The following THSD1 variants were observed in gnomAD, a reference collection of about 807,000 sequenced individuals.
The protein encoded by THSD1 is thrombospondin type-1 domain-containing protein 1.
THSD1 carries 34 observed loss-of-function variants against 46.3 expected under a neutral mutation model. That is an observed-to-expected ratio of 0.74 (90% confidence interval 0.56 to 0.98). The LOEUF (loss-of-function observed/expected upper bound fraction) is 0.98. Ranked by LOEUF, THSD1 falls within the 50% of genes least tolerant of loss-of-function variation. The probability of loss-of-function intolerance (pLI) is 0.00; values close to 1 mark genes in which losing one functional copy is unlikely to be tolerated. For synonymous variants in THSD1, 407 were observed against 416.5 expected, an observed-to-expected ratio of 0.98 and a Z score of 0.28; for missense variants, 1,023 against 1,058.3, an observed-to-expected ratio of 0.97 and a Z score of 0.46.
At chr13:52,391,215 A>C (rs963621889) in intron 3 of THSD1, among the ~76,000 whole-genome samples, 21 of 150,766 alleles carry the variant, frequency 1.4e-4, no homozygotes, top group African/African-American at 4.9e-4. Context: ...GGGGACTTAG[A>C]ATAAATTTTT....
intron 1 of THSD1, among the ~76,000 whole-genome samples, chr13:52,404,936 C>A (rs1957895342): frequency 6.6e-6 from 1 of 152,116 alleles, no homozygotes; most frequent in Non-Finnish European, 1.5e-5. Flanking sequence ...AACAGACCAG[C>A]CTACTTGTCA....
chr13:52,377,891 G>C lies in THSD1; in HGVS notation c.2079C>G (p.Asp693Glu). ...SRTRTCEQAE[D>E]RFRPQSRGAH... is the part of the protein sequence containing the mutation. ...CACCTCGACTCTGAGGCCTAAATCT[G>C]TCCTCTGCCTGCTCGCAGGTCCGCG... The change falls in exon 5 of 5, where the codon GAC (aspartate) becomes GAG (glutamate). Residue 693 changes from aspartate (D) to glutamate (E), a missense_variant. Coordinates refer to ENST00000258613, the MANE Select transcript of THSD1 (RefSeq NM_018676.4). 1 of 1,614,174 alleles carries C rather than the reference G, an allele frequency of 6.2e-7. No homozygotes were observed. Among genetic ancestry groups the C allele is most frequent in the Non-Finnish European group, 8.5e-7 (1 of 1,180,042 alleles).
In THSD1 at chr13:52,397,605, G is replaced by A. The variant is rs757288465; in HGVS notation, c.648C>T (p.Thr216=). 29 of 1,614,040 alleles carry A rather than the reference G, an allele frequency of 1.8e-5. No homozygotes were observed. The highest frequency in any genetic ancestry group is 8.0e-5 in the African/African-American group (6 of 74,920). The change falls in exon 3 of 5, where the codon ACC becomes ACT. Residue 216 remains threonine (T), a synonymous_variant. Coordinates refer to ENST00000258613, the MANE Select transcript of THSD1 (RefSeq NM_018676.4). ...CTCGCCCAAGCAGCTTCAGCACCAC[G>A]GTGACATAGGCTTCTGGCCCCAAGG... ...CAPLGPEAYV[T]VVLKLLGRDS...
At chr13:52,394,306 T>C (rs552403938) in intron 3 of THSD1, among the ~76,000 whole-genome samples, 121 of 152,210 alleles carry the variant, frequency 7.9e-4, no homozygotes, top group Non-Finnish European at 7.5e-4. Context: ...CCATGAATAT[T>C]TTCTTTTGAA....
chr13:52,379,836 A>C (rs750801949), intron 4 of THSD1, among the ~76,000 whole-genome samples: 31 of 152,182 alleles, frequency 2.0e-4, no homozygotes, highest in Non-Finnish European at 3.5e-4. Context: ...CCTATTGTTA[A>C]ATGTACCTCT....
intron 4 of THSD1, 23 bp downstream of exon 4, chr13:52,386,005 C>G: frequency 1.9e-6 from 3 of 1,610,296 alleles, no homozygotes; most frequent in Non-Finnish European, 2.5e-6. Context: ...GGAGAGACTC[C>G]CGAAGGAAGC....
At chr13:52,388,360 A>G (rs1156948277) in intron 3 of THSD1, among the ~76,000 whole-genome samples, 1 of 152,218 alleles carries the variant, frequency 6.6e-6, no homozygotes, top group Non-Finnish European at 1.5e-5. Flanking sequence ...CTGCATTTAT[A>G]TAAAGAAATG....
chr13:52,384,948 T>C (rs1256490462), intron 4 of THSD1, among the ~76,000 whole-genome samples: 3 of 147,296 alleles, frequency 2.0e-5, no homozygotes, highest in East Asian at 2.0e-4. Context: ...AAAAAAAAAA[T>C]AGGAGAAAGA....
intron 3 of THSD1, among the ~76,000 whole-genome samples, chr13:52,394,225 C>A (rs1957794913): frequency 6.6e-6 from 1 of 152,236 alleles, no homozygotes; most frequent in South Asian, 2.1e-4. Flanking sequence ...CCCATGTGAC[C>A]TTAATTAAAT....
At chr13:52,379,057 G>T (rs1168396908) in intron 4 of THSD1, among the ~76,000 whole-genome samples, 1 of 151,788 alleles carries the variant, frequency 6.6e-6, no homozygotes, top group Non-Finnish European at 1.5e-5. Context: ...TAGAGCTGGG[G>T]TTTCATCATA....
At chr13:52,393,792 ACT>A (rs1182170220) in intron 3 of THSD1, among the ~76,000 whole-genome samples, 1 of 152,050 alleles carries the variant, frequency 6.6e-6, no homozygotes, top group Non-Finnish European at 1.5e-5. Context: ...CAAAAAAGAC[ACT>A]CTTTACTGGT....
Position 52,397,909 on chromosome 13 carries a change from G to A in THSD1, c.344C>T (p.Pro115Leu). The A allele has an allele frequency of 2.5e-6, 4 of 1,614,218 alleles. No homozygotes were observed. The highest frequency in any genetic ancestry group is 3.4e-6 in the Non-Finnish European group (4 of 1,180,044). ...CAGAAAGGCACTTTTCTCCCACCAGGGGAATGGAGTGCTGTTGTCTGTTGC... is the reference window on the plus strand; with the variant it reads ...CAGAAAGGCACTTTTCTCCCACCAGAGGAATGGAGTGCTGTTGTCTGTTGC... ...PEATDNSTPF[P>L]WWEKSAFLKV... is the part of the protein sequence containing the mutation. The change falls in exon 3 of 5, where the codon CCC (proline) becomes CTC (leucine). Residue 115 changes from proline to leucine, a missense_variant. Pro to Leu is a moderately conservative substitution (Grantham distance 98). Coordinates refer to ENST00000258613, the MANE Select transcript of THSD1 (RefSeq NM_018676.4).
chr13:52,402,965 A>G, intron 1 of THSD1: 1 of 985,272 alleles, frequency 1.0e-6, no homozygotes, highest in Non-Finnish European at 1.2e-6. Context: ...CCTGACGTGG[A>G]GAGTTTATTG....
Position 52,378,182 on chromosome 13 carries a change from C to G in THSD1, c.1788G>C (p.Ala596=), listed in dbSNP as rs74888104. The G allele has an allele frequency of 2.0e-3, 3,285 of 1,614,180 alleles. 65 individuals carry two copies. In the African/African-American group the frequency reaches 0.036, roughly 18 times the overall value. The change falls in exon 5 of 5, where the codon GCG becomes GCC. Residue 596 remains alanine (A), a synonymous_variant. Coordinates refer to ENST00000258613, the MANE Select transcript of THSD1 (RefSeq NM_018676.4). Reference sequence around the variant, plus strand: ...AGGGAGGCCTTTCCCCGGCACTGACCGCGGGCTGCTCCGGAAATGGGGATT... The same window carrying G: ...AGGGAGGCCTTTCCCCGGCACTGACGGCGGGCTGCTCCGGAAATGGGGATT... The part of the protein sequence containing the change: ...RIKSPFPEQP[A]VSAGERPPSR...
intron 1 of THSD1, 67 bp from the exon 2 acceptor site, chr13:52,402,748 T>C (rs1798496984): frequency 1.4e-6 from 2 of 1,417,834 alleles, no homozygotes; most frequent in Non-Finnish European, 1.8e-6. Flanking sequence ...AATCATTAAA[T>C]GACAAAACCA....
At chr13:52,396,108 G>A (rs570544252) in intron 3 of THSD1, among the ~76,000 whole-genome samples, 8 of 152,274 alleles carry the variant, frequency 5.3e-5, no homozygotes, top group South Asian at 2.1e-4. Flanking sequence ...GGCCAGTGGC[G>A]GAGGAGAAAG....
Position 52,397,285 on chromosome 13 carries a change from C to T in THSD1, c.968G>A (p.Ser323Asn), listed in dbSNP as rs763406181. The T allele has an allele frequency of 1.4e-5, 22 of 1,612,084 alleles. No individual in the cohort carries two copies. Among genetic ancestry groups the T allele is most frequent in the Middle Eastern group, 3.3e-4 (2 of 6,070 alleles). The change falls in exon 3 of 5, where the codon AGC becomes AAC. Residue 323 changes from serine (S) to asparagine (N), a missense_variant. Around this residue, in one of 3 missense-constraint regions of THSD1, gnomAD observed 429 missense variants for 518.3 expected, o/e 0.83. Coordinates refer to ENST00000258613, the MANE Select transcript of THSD1 (RefSeq NM_018676.4). Reference protein sequence around the residue: ...NKYCFDFGISSRSHFSAKEEC... With the variant: ...NKYCFDFGISNRSHFSAKEEC... Reference sequence around the variant, plus strand: ...CTCCTTTGCAGAAAAATGGCTTCTGCTTGAAATGCCAAAGTCAAAGCAGTA... The same window carrying T: ...CTCCTTTGCAGAAAAATGGCTTCTGTTTGAAATGCCAAAGTCAAAGCAGTA...
chr13:52,381,790 C>CAGAA (rs2137725584), intron 4 of THSD1, among the ~76,000 whole-genome samples: 1 of 152,300 alleles, frequency 6.6e-6, no homozygotes, highest in Admixed American at 6.5e-5. Flanking sequence ...AAGGACCCTT[C>CAGAA]TCCAGCCCTC....
rs771382665 is a variant in THSD1 at position 52,378,412 on chromosome 13, C to A, written c.1558G>T (p.Ala520Ser). 1 of 1,614,036 alleles carries A rather than the reference C, an allele frequency of 6.2e-7. No individual in the cohort carries two copies. The highest frequency in any genetic ancestry group is 8.5e-7 in the Non-Finnish European group (1 of 1,180,010). Residue 520 changes from alanine to serine, a missense_variant, in exon 5 of 5, where the codon GCC (alanine) becomes TCC (serine). By Grantham distance (99) the Ala-to-Ser change is moderately conservative (BLOSUM62 1). Coordinates refer to ENST00000258613, the MANE Select transcript of THSD1 (RefSeq NM_018676.4). ...AACAGAGGTGGGATTATCTTCTGGG[C>A]GTTGGACTGGAAGCTCTCGCTGCCA... Reference protein sequence around the residue: ...ASGSESFQSNAQKIIPPLFSY... With the variant: ...ASGSESFQSNSQKIIPPLFSY...
Sources: allele counts gnomAD v4.1 joint callset (sites outside exome capture counted in the v4.1 genomes callset), GRCh38; gene constraint gnomAD v4.1.1; regional missense constraint gnomAD v4.1.1; transcripts MANE v1.5; gene names NCBI Gene and HGNC (gene_info 2026-07-23, HGNC 2026-07-21).